Variants in PPP6R3 observed in about 807,000 individuals in gnomAD.
The protein encoded by PPP6R3 is protein phosphatase 6 regulatory subunit 3, also known as serine/threonine-protein phosphatase 6 regulatory subunit 3.
In PPP6R3, 38 loss-of-function variants were observed where a neutral mutation model predicts 110.7. The ratio of observed to expected loss-of-function variants is 0.34; its 90% confidence interval spans 0.26 to 0.45. The LOEUF is 0.45. Ranked by LOEUF, PPP6R3 falls within the 20% of genes least tolerant of loss-of-function variation. The pLI is 1.00. For missense variants in PPP6R3, 870 were observed against 1,062.4 expected (o/e 0.82, Z 2.52); for synonymous variants, 369 against 373.5 (o/e 0.99, Z 0.14).
At chr11:68,530,491 G>A (rs1164199541) in intron 2 of PPP6R3, among the ~76,000 whole-genome samples, 2 of 152,154 alleles carry the variant, frequency 1.3e-5, no homozygotes, top group African/African-American at 2.4e-5. Context: ...TTTGTGCTCC[G>A]TATGTTTAGG....
intron 23 of PPP6R3, 149 bp downstream of exon 23, chr11:68,610,172 T>C (rs1239459692): frequency 1.8e-6 from 2 of 1,117,438 alleles, no homozygotes; most frequent in African/African-American, 1.6e-5. Flanking sequence ...TCTCAGTCCT[T>C]AATGAGCTGA....
At chr11:68,528,897 C>T (rs1482380146) in intron 2 of PPP6R3, among the ~76,000 whole-genome samples, 7 of 152,186 alleles carry the variant, frequency 4.6e-5, no homozygotes, top group Non-Finnish European at 4.4e-5. Context: ...GGTGTCTGGA[C>T]ACTGCATCAG....
Position 68,494,396 on chromosome 11 carries a change from C to T in PPP6R3, c.-157-25105C>T, listed in dbSNP as rs551524507. Among the ~76,000 whole-genome samples, 68 of 121,110 alleles carry T rather than the reference C, an allele frequency of 5.6e-4. 1 individual carries two copies. In the South Asian group the frequency reaches 0.014, roughly 25 times the overall value. 79.5% of individuals were successfully genotyped at this position (121,110 alleles called of 152,430 possible). On this transcript the variant is annotated intron_variant, in intron 1 of 23. Coordinates refer to ENST00000393800, the MANE Select transcript of PPP6R3 (RefSeq NM_001164161.2). ...AAAATTAGCTAGGTGCGGTGGGACACGCCTGTAATCTCAAAAAAAAAAAAA... is the reference window on the plus strand; with the variant it reads ...AAAATTAGCTAGGTGCGGTGGGACATGCCTGTAATCTCAAAAAAAAAAAAA...
At position 68,487,398 on chromosome 11, in the gene PPP6R3, A is replaced by G. The variant is rs111316267; in HGVS notation, c.-158+26571A>G. Among the ~76,000 whole-genome samples, 1,371 of 151,986 alleles carry G rather than the reference A, an allele frequency of 9.0e-3. 18 individuals carry two copies. The highest frequency in any genetic ancestry group is 0.032 in the African/African-American group (1,306 of 41,412). On this transcript the variant is annotated intron_variant, in intron 1 of 23. Transcript: ENST00000393800. ...AGCCTGGCCAACATGGCAAAACTCTATCTCCACTAAAAATACAAAAATTAG... is the reference window on the plus strand; with the variant it reads ...AGCCTGGCCAACATGGCAAAACTCTGTCTCCACTAAAAATACAAAAATTAG...
intron 1 of PPP6R3, among the ~76,000 whole-genome samples, chr11:68,489,493 A>G (rs1253919241): frequency 6.6e-6 from 1 of 151,806 alleles, no homozygotes; most frequent in East Asian, 1.9e-4. Flanking sequence ...GTGCACATAC[A>G]GGTATTATAC....
At chr11:68,462,785 C>G (rs2098717563) in intron 1 of PPP6R3, among the ~76,000 whole-genome samples, 1 of 152,126 alleles carries the variant, frequency 6.6e-6, no homozygotes, top group African/African-American at 2.4e-5. Context: ...CTTGCGTGCA[C>G]CTTCCCCTGG....
intron 1 of PPP6R3, among the ~76,000 whole-genome samples, chr11:68,476,328 C>T (rs878895654): frequency 5.9e-4 from 89 of 152,072 alleles, no homozygotes; most frequent in Non-Finnish European, 1.1e-3. Flanking sequence ...TCAGGCGTGG[C>T]GGCGCACGCC....
intron 1 of PPP6R3, chr11:68,515,049 C>T (rs2099129032): frequency 6.6e-6 from 1 of 152,150 alleles, no homozygotes. Flanking sequence ...AAGAAAACAT[C>T]TCCCAGGACC....
chr11:68,614,585 C>T lies in PPP6R3; in HGVS notation c.*1468C>T. The T allele has an allele frequency of 6.6e-7, 1 of 1,506,028 alleles. No homozygotes were observed. The highest frequency in any genetic ancestry group is 8.8e-7 in the Non-Finnish European group (1 of 1,136,566). 93.3% of individuals were successfully genotyped at this position (1,506,028 alleles called of 1,614,324 possible). A position where few individuals can be genotyped will look rare whatever the true frequency, so the allele number is the denominator to read the frequency against. Reference sequence around the variant, plus strand: ...ACATTGCATATGGAAATAAAAGAATCAAACGTCTAATGCCTTATTATTTCT... The same window carrying T: ...ACATTGCATATGGAAATAAAAGAATTAAACGTCTAATGCCTTATTATTTCT... On this transcript the variant is annotated 3_prime_UTR_variant, in exon 24 of 24. Coordinates refer to ENST00000393800, the MANE Select transcript of PPP6R3 (RefSeq NM_001164161.2).
rs2099155237 is a variant in PPP6R3 at position 68,519,891 on chromosome 11, A to G, written c.-7+240A>G. ...AGGGATTCTAAGCTTATAGGGGGTT[A>G]TTGAGAGGGGCGCCAATGACCAGCC... On this transcript the variant is annotated intron_variant, in intron 2 of 23. Coordinates refer to ENST00000393800, the MANE Select transcript of PPP6R3 (RefSeq NM_001164161.2). Among the ~76,000 whole-genome samples the G allele has an allele frequency of 2.6e-5, 4 of 152,282 alleles. No homozygotes were observed. In the South Asian group the frequency reaches 8.3e-4, roughly 32 times the overall value.
At chr11:68,465,693 C>G (rs367547163) in intron 1 of PPP6R3, among the ~76,000 whole-genome samples, 85 of 152,298 alleles carry the variant, frequency 5.6e-4, no homozygotes, top group African/African-American at 2.0e-3. Flanking sequence ...TGAACAGGCC[C>G]TTAAGGACCT....
chr11:68,582,328 ATTG>A (rs1290889055), intron 14 of PPP6R3, among the ~76,000 whole-genome samples: 2 of 152,248 alleles, frequency 1.3e-5, no homozygotes, highest in Non-Finnish European at 2.9e-5. Flanking sequence ...CTGATTTCTA[ATTG>A]TTAATGCTTC....
Position 68,614,011 on chromosome 11 carries a change from A to G in PPP6R3, c.*894A>G. ...TTTACCTTGTTAACAAGCATCACCAATGAACATTTCAGAGCAATCTGCATA... is the reference window on the plus strand; with the variant it reads ...TTTACCTTGTTAACAAGCATCACCAGTGAACATTTCAGAGCAATCTGCATA... On this transcript the variant is annotated 3_prime_UTR_variant, in exon 24 of 24. Transcript: ENST00000393800. 2 of 985,600 alleles carry G rather than the reference A, an allele frequency of 2.0e-6. No homozygotes were observed. The highest frequency in any genetic ancestry group is 2.4e-6 in the Non-Finnish European group (2 of 829,908). 61.1% of individuals were successfully genotyped at this position (985,600 alleles called of 1,614,324 possible). A position where few individuals can be genotyped will look rare whatever the true frequency, so the allele number is the denominator to read the frequency against.
chr11:68,539,108 G>C (rs1406874765), intron 3 of PPP6R3, among the ~76,000 whole-genome samples: 3 of 152,140 alleles, frequency 2.0e-5, no homozygotes, highest in Non-Finnish European at 4.4e-5. Context: ...TTTGCTACTT[G>C]GAATTCCCTT....
chr11:68,591,054 C>T (rs1038540981), intron 17 of PPP6R3, among the ~76,000 whole-genome samples: 1 of 151,986 alleles, frequency 6.6e-6, no homozygotes, highest in Non-Finnish European at 1.5e-5. Context: ...CAGGGCAAGC[C>T]CCTCGTTACT....
Position 68,548,124 on chromosome 11 carries a change from G to C in PPP6R3, c.472G>C (p.Gly158Arg). ...TGTAGACCTTATTATAAAGCACATA[G>C]GAACTTCTGCTATCATGGATTTGTT... is the stretch of plus-strand genomic sequence containing the variant. ...DFVDLIIKHI[G>R]TSAIMDLLLR... Residue 158 changes from glycine to arginine, a missense_variant, in exon 5 of 24, where the codon GGA becomes CGA. Coordinates refer to ENST00000393800, the MANE Select transcript of PPP6R3 (RefSeq NM_001164161.2). 6.2e-7 allele frequency: 1 copy of C among 1,613,922 alleles called. No individual in the cohort carries two copies. Among genetic ancestry groups the C allele is most frequent in the Non-Finnish European group, 8.5e-7 (1 of 1,179,798 alleles).
At chr11:68,533,856 A>G (rs1057477949) in intron 2 of PPP6R3, among the ~76,000 whole-genome samples, 1 of 152,148 alleles carries the variant, frequency 6.6e-6, no homozygotes, top group Admixed American at 6.6e-5. Context: ...CTCATTCATC[A>G]GTTAGGCCAC....
At chr11:68,529,243 G>A (rs116346298) in intron 2 of PPP6R3, among the ~76,000 whole-genome samples, 1 of 152,022 alleles carries the variant, frequency 6.6e-6, no homozygotes, top group Non-Finnish European at 1.5e-5. Flanking sequence ...TTTCCAGATG[G>A]AGTCTCACTC....
rs1555132285 is a variant in PPP6R3 at position 68,542,389 on chromosome 11, G to GTTTTGTTTTTTTTTTTTTTTT, written c.228-2445_228-2444insGTTTTTTTTTTTTTTTTTTTT. Among the ~76,000 whole-genome samples, 9 of 40,188 alleles carry GTTTTGTTTTTTTTTTTTTTTT rather than the reference G, an allele frequency of 2.2e-4. 2 individuals are homozygous for GTTTTGTTTTTTTTTTTTTTTT. Among genetic ancestry groups the GTTTTGTTTTTTTTTTTTTTTT allele is most frequent in the Non-Finnish European group, 3.3e-4 (8 of 24,216 alleles). 26.4% of individuals were successfully genotyped at this position (40,188 alleles called of 152,430 possible). ...ATCTTTGGGTGCTTGAGAAGCTGCT[G>GTTTTGTTTTTTTTTTTTTTTT]TTTTTTTTTTTTTTTTTTTTTTAAG... On this transcript the variant is annotated intron_variant, in intron 3 of 23. Transcript: ENST00000393800.
Sources: allele counts gnomAD v4.1 joint callset (sites outside exome capture counted in the v4.1 genomes callset), GRCh38; gene constraint gnomAD v4.1.1; transcripts MANE v1.5; gene names NCBI Gene and HGNC (gene_info 2026-07-23, HGNC 2026-07-21).